The following PIP5K1B variants were observed in gnomAD, a reference collection of about 807,000 sequenced individuals.
PIP5K1B encodes phosphatidylinositol 4-phosphate 5-kinase type-1 beta.
PIP5K1B carries 42 observed loss-of-function variants against 67.0 expected under a neutral mutation model. The ratio of observed to expected loss-of-function variants is 0.63; its 90% CI spans 0.49 to 0.81. The LOEUF is 0.81. Among genes scored for constraint, PIP5K1B ranks in the 30% least tolerant of loss-of-function variants. The pLI is 0.00. For synonymous variants in PIP5K1B, 214 were observed against 231.4 expected (o/e 0.92, Z 0.68); for missense variants, 459 against 646.3 (o/e 0.71, Z 3.14).
chr9:68,893,627 C>T (rs560823332), intron 7 of PIP5K1B, among the ~76,000 whole-genome samples: 13 of 152,232 alleles, frequency 8.5e-5, no homozygotes, highest in African/African-American at 2.6e-4. Context: ...CCACAGTGCC[C>T]AGCCTCCCTG....
At chr9:68,898,065 C>T (rs1587635280) in intron 8 of PIP5K1B, among the ~76,000 whole-genome samples, 1 of 152,156 alleles carries the variant, frequency 6.6e-6, no homozygotes, top group East Asian at 1.9e-4. Context: ...AGTCCCTTTG[C>T]CTGGCTTCCC....
intron 14 of PIP5K1B, among the ~76,000 whole-genome samples, chr9:68,976,293 G>T (rs1384764097): frequency 6.6e-6 from 1 of 152,124 alleles, no homozygotes; most frequent in Admixed American, 6.6e-5. Context: ...TTTATTTCCA[G>T]TATGCCACTC....
chr9:68,720,625 C>T (rs143076059), intron 1 of PIP5K1B, among the ~76,000 whole-genome samples: 1 of 152,262 alleles, frequency 6.6e-6, no homozygotes, highest in East Asian at 1.9e-4. Flanking sequence ...TCTCCAGATA[C>T]GTCTCTTACC....
chr9:68,828,300 G>A (rs1248222974), intron 4 of PIP5K1B, among the ~76,000 whole-genome samples: 6 of 152,198 alleles, frequency 3.9e-5, no homozygotes, highest in Non-Finnish European at 4.4e-5. Context: ...TGGGGTCAGA[G>A]GCCACCTGCC....
At chr9:68,903,029 G>C (rs1218932115) in intron 8 of PIP5K1B, among the ~76,000 whole-genome samples, 1 of 152,204 alleles carries the variant, frequency 6.6e-6, no homozygotes, top group Non-Finnish European at 1.5e-5. Flanking sequence ...TTTAACGTGT[G>C]TGTTTCTAAT....
intron 14 of PIP5K1B, among the ~76,000 whole-genome samples, chr9:68,966,907 G>C (rs1443352800): frequency 3.3e-5 from 5 of 152,206 alleles, no homozygotes; most frequent in Admixed American, 3.3e-4. Flanking sequence ...GTATACAGCT[G>C]TATGCAGAGA....
intron 1 of PIP5K1B, among the ~76,000 whole-genome samples, chr9:68,730,389 G>T (rs909677968): frequency 6.6e-6 from 1 of 152,184 alleles, no homozygotes; most frequent in Non-Finnish European, 1.5e-5. Flanking sequence ...TGCTTCCAAT[G>T]AAAGTGAGGA....
rs79566851 is a variant in PIP5K1B, at chr9:68,945,731, T to C, written c.1502+4941T>C. Among the ~76,000 whole-genome samples, 962 of 152,314 alleles carry C rather than the reference T, an allele frequency of 6.3e-3. 8 individuals carry two copies. Among genetic ancestry groups the C allele is most frequent in the African/African-American group, 0.022 (906 of 41,570 alleles). On this transcript the variant is annotated intron_variant, in intron 14 of 15. Coordinates refer to ENST00000265382, the MANE Select transcript of PIP5K1B (RefSeq NM_003558.4). ...ATGAGGAAATTGATGCTTAGCAACA[T>C]GAGGTAACTTTCTCAAGACCACATG...
chr9:68,732,319 C>G (rs1218196971), intron 1 of PIP5K1B, among the ~76,000 whole-genome samples: 1 of 152,164 alleles, frequency 6.6e-6, no homozygotes, highest in East Asian at 1.9e-4. Context: ...TCCCTTTACT[C>G]CAAAGTCTTG....
At chr9:68,861,904 T>G (rs1055836405) in intron 4 of PIP5K1B, among the ~76,000 whole-genome samples, 1 of 116,218 alleles carries the variant, frequency 8.6e-6, no homozygotes, top group African/African-American at 2.8e-5. Context: ...TGTTTTTTGT[T>G]TTTTTTTTTT....
intron 2 of PIP5K1B, among the ~76,000 whole-genome samples, chr9:68,808,075 G>A (rs1832965584): frequency 6.6e-6 from 1 of 152,184 alleles, no homozygotes; most frequent in South Asian, 2.1e-4. Flanking sequence ...GTGTGCATCT[G>A]TAATATTAGC....
At chr9:68,833,488 C>A (rs1184743891) in intron 4 of PIP5K1B, among the ~76,000 whole-genome samples, 2 of 152,146 alleles carry the variant, frequency 1.3e-5, no homozygotes, top group African/African-American at 2.4e-5. Context: ...GCAGATTTGT[C>A]CCCCAGGAGA....
chr9:68,777,268 C>T (rs1240677870), intron 2 of PIP5K1B, among the ~76,000 whole-genome samples: 3 of 152,168 alleles, frequency 2.0e-5, no homozygotes, highest in Admixed American at 1.3e-4. Context: ...TCAACAAGTA[C>T]TTACTCAGTA....
intron 15 of PIP5K1B, among the ~76,000 whole-genome samples, chr9:68,992,779 G>T (rs899187061): frequency 7.2e-6 from 1 of 138,962 alleles, no homozygotes; most frequent in Non-Finnish European, 1.5e-5. Context: ...GGCGGAGGTT[G>T]CAATGAGCCG....
At chr9:68,981,300 T>C (rs528136258) in intron 14 of PIP5K1B, among the ~76,000 whole-genome samples, 1 of 152,288 alleles carries the variant, frequency 6.6e-6, no homozygotes, top group African/African-American at 2.4e-5. Flanking sequence ...ATAGCAAATG[T>C]TGGAAGAAGA....
At chr9:68,815,254 C>G (rs1406201671) in intron 2 of PIP5K1B, among the ~76,000 whole-genome samples, 1 of 104,432 alleles carries the variant, frequency 9.6e-6, no homozygotes, top group African/African-American at 3.4e-5. Flanking sequence ...AGCCTAAATG[C>G]TTTTGGTACT....
intron 2 of PIP5K1B, among the ~76,000 whole-genome samples, chr9:68,750,269 G>A (rs1375100223): frequency 6.6e-6 from 1 of 152,072 alleles, no homozygotes; most frequent in Non-Finnish European, 1.5e-5. Context: ...TTCCTTCATT[G>A]CCCTCCCCTC....
chr9:68,885,266 T>C (rs1350974560), intron 6 of PIP5K1B, among the ~76,000 whole-genome samples: 2 of 152,068 alleles, frequency 1.3e-5, no homozygotes, highest in African/African-American at 4.8e-5. Context: ...ATCGAACTCA[T>C]TGAAGTAGAG....
At chr9:68,939,416 C>G (rs1469794805) in intron 13 of PIP5K1B, among the ~76,000 whole-genome samples, 1 of 152,184 alleles carries the variant, frequency 6.6e-6, no homozygotes, top group Non-Finnish European at 1.5e-5. Flanking sequence ...TTATTTTTGA[C>G]ACCCAGTTTT....
Sources: allele counts gnomAD v4.1 joint callset (sites outside exome capture counted in the v4.1 genomes callset), GRCh38; gene constraint gnomAD v4.1.1; transcripts MANE v1.5; gene names NCBI Gene and HGNC (gene_info 2026-07-23, HGNC 2026-07-21).